Variants in RB1CC1 observed in about 807,000 individuals in gnomAD.
RB1CC1 encodes the protein RB1-inducible coiled-coil protein 1.
RB1CC1 carries 46 observed loss-of-function variants against 177.5 expected under a neutral mutation model. That is an observed-to-expected ratio of 0.26 (90% CI 0.20 to 0.33). The LOEUF (loss-of-function observed/expected upper bound fraction) is 0.33, where lower values mean the gene tolerates loss of function less well. Ranked by LOEUF, RB1CC1 falls within the 10% of genes least tolerant of loss-of-function variation. RB1CC1 has a pLI of 1.00. For synonymous variants in RB1CC1, 666 were observed against 613.6 expected, an observed-to-expected ratio of 1.09 and a Z score of -1.26; for missense variants, 1,703 against 1,816.3, an observed-to-expected ratio of 0.94 and a Z score of 1.13.
Position 52,703,961 on chromosome 8 carries a change from T to C in RB1CC1, c.-167+10114A>G, listed in dbSNP as rs1313521768. ...TTTATTCACAAGACTGTATACTTTA[T>C]GTTACATACTCCTATATGCTATCAA... On this transcript the variant is annotated intron_variant, in intron 1 of 23. Coordinates refer to ENST00000025008, the MANE Select transcript of RB1CC1 (RefSeq NM_014781.5). Among the ~76,000 whole-genome samples, 25 of 152,226 alleles carry C rather than the reference T, an allele frequency of 1.6e-4. 1 individual carries two copies. Among genetic ancestry groups the C allele is most frequent in the Admixed American group, 1.6e-3 (25 of 15,280 alleles).
chr8:52,684,165 T>A, intron 3 of RB1CC1, 152 bp from the exon 4 acceptor site: 6 of 919,992 alleles, frequency 6.5e-6, no homozygotes, highest in Non-Finnish European at 9.2e-6. Context: ...GCTTCCTATT[T>A]AATGAACAGG....
At chr8:52,692,523 A>G (rs1257185046) in intron 1 of RB1CC1, among the ~76,000 whole-genome samples, 1 of 152,222 alleles carries the variant, frequency 6.6e-6, no homozygotes, top group African/African-American at 2.4e-5. Context: ...GTTAAGAATT[A>G]TCCGCATCAT....
chr8:52,685,716 T>C (rs1342611282), intron 2 of RB1CC1, among the ~76,000 whole-genome samples, 196 bp from the exon 3 acceptor site: 5 of 152,194 alleles, frequency 3.3e-5, no homozygotes, highest in Non-Finnish European at 7.3e-5. Context: ...GTAATGAGTT[T>C]AGTGAAAAGA....
chr8:52,707,112 G>C (rs1856629106), intron 1 of RB1CC1, among the ~76,000 whole-genome samples: 1 of 152,222 alleles, frequency 6.6e-6, no homozygotes, highest in African/African-American at 2.4e-5. Context: ...AAAAGTAAAA[G>C]TACCTGTCTC....
intron 15 of RB1CC1, among the ~76,000 whole-genome samples, chr8:52,652,601 A>C (rs1850701771): frequency 6.6e-6 from 1 of 152,174 alleles, no homozygotes; most frequent in African/African-American, 2.4e-5. Context: ...GTCTGGAGTC[A>C]ATTTTTGAGA....
intron 8 of RB1CC1, among the ~76,000 whole-genome samples, chr8:52,665,767 AAG>A (rs1296484506): frequency 1.3e-5 from 2 of 152,278 alleles, no homozygotes; most frequent in Admixed American, 6.5e-5. Flanking sequence ...GAACGAAACC[AAG>A]AGAGAGAAAT....
chr8:52,660,659 T>C lies in RB1CC1; in HGVS notation c.1628-2A>G. 1 of 1,593,680 alleles carries C rather than the reference T, an allele frequency of 6.3e-7. No individual in the cohort carries two copies. Among genetic ancestry groups the C allele is most frequent in the Non-Finnish European group, 8.5e-7 (1 of 1,173,416 alleles). On this transcript the variant is annotated splice_acceptor_variant, in intron 11 of 23. Coordinates refer to ENST00000025008, the MANE Select transcript of RB1CC1 (RefSeq NM_014781.5). LOFTEE classifies it high-confidence loss of function. ...GACGATTTCTTAAAAAAGACTTCCCTGTATAAAGAAATTAACAATATGGTT... is the reference window on the plus strand; with the variant it reads ...GACGATTTCTTAAAAAAGACTTCCCCGTATAAAGAAATTAACAATATGGTT...
intron 1 of RB1CC1, among the ~76,000 whole-genome samples, chr8:52,687,995 C>T (rs1313209833): frequency 6.6e-6 from 1 of 152,176 alleles, no homozygotes; most frequent in Non-Finnish European, 1.5e-5. Context: ...ATTTCATGGA[C>T]ATTTATCAGT....
rs978052118 is a variant in RB1CC1, at chr8:52,713,469, T to C, written c.-167+606A>G. 2.6e-5 allele frequency among the ~76,000 whole-genome samples: 4 copies of C among 152,328 alleles called. No individual in the cohort carries two copies. In the East Asian group the frequency reaches 5.8e-4, roughly 22 times the overall value. ...TCCGCGTGCACACCCATCCCAAATC[T>C]ATCCGTGGGGCGGGCGCAGGCTGAG... is the stretch of plus-strand genomic sequence containing the variant. On this transcript the variant is annotated intron_variant, in intron 1 of 23. Coordinates refer to ENST00000025008, the MANE Select transcript of RB1CC1 (RefSeq NM_014781.5).
rs369929399 is a variant in RB1CC1 at position 52,630,500 on chromosome 8, G to A, written c.4469C>T (p.Ser1490Leu). Reference sequence around the variant, plus strand: ...AATAGCTATCTTTTCAGAATGCCTTGAAGATACTGAAGACATGCTCTGAGA... The same window carrying A: ...AATAGCTATCTTTTCAGAATGCCTTAAAGATACTGAAGACATGCTCTGAGA... Reference protein sequence around the residue: ...LMSQSMSSVSSRHSEKIAIRD... With the variant: ...LMSQSMSSVSLRHSEKIAIRD... The change falls in exon 21 of 24, where the codon TCA becomes TTA. Residue 1490 changes from serine to leucine, a missense_variant. Ser to Leu is a moderately radical substitution (Grantham distance 145). This residue lies in a region of RB1CC1 where 1,169 missense variants were observed against 1,184.7 expected (regional missense o/e 0.99). Transcript: ENST00000025008. The A allele has an allele frequency of 7.6e-6, 12 of 1,576,234 alleles. No homozygotes were observed. The African/African-American group carries it at 1.7e-4, about 22-fold the overall frequency.
chr8:52,636,072 A>G lies in RB1CC1; in HGVS notation c.4338-3T>C, dbSNP rs199920524. The G allele has an allele frequency of 1.1e-5, 18 of 1,601,462 alleles. No homozygotes were observed. The highest frequency in any genetic ancestry group is 1.3e-5 in the African/African-American group (1 of 74,466). ...CAGACAACATATGAATATTTTCTCT[A>G]AAAGTGAGAATAATTGAGTTTCAGT... On this transcript the variant is annotated splice_region_variant and splice_polypyrimidine_tract_variant and intron_variant, in intron 18 of 23. Coordinates refer to ENST00000025008, the MANE Select transcript of RB1CC1 (RefSeq NM_014781.5).
rs549372825 is a variant in RB1CC1 at position 52,661,810 on chromosome 8, C to G, written c.1174-91G>C. On this transcript the variant is annotated intron_variant, in intron 8 of 23. Transcript: ENST00000025008. ...AAGTGGAAAATCTTTATGTTAAACA[C>G]AACCCGTTTTGTGCCTTCTAACAAT... The G allele has an allele frequency of 6.0e-6, 6 of 999,550 alleles. No homozygotes were observed. The East Asian group carries it at 1.7e-4, about 28-fold the overall frequency. 61.9% of individuals were successfully genotyped at this position (999,550 alleles called of 1,614,324 possible). A position where few individuals can be genotyped will look rare whatever the true frequency, so the allele number is the denominator to read the frequency against.
chr8:52,687,486 G>C (rs1041041354), intron 1 of RB1CC1, among the ~76,000 whole-genome samples: 1 of 152,162 alleles, frequency 6.6e-6, no homozygotes, highest in Non-Finnish European at 1.5e-5. Context: ...TTGCAAAAAT[G>C]ATGGGATATC....
intron 5 of RB1CC1, among the ~76,000 whole-genome samples, chr8:52,682,155 A>G (rs1377175606): frequency 6.6e-6 from 1 of 152,182 alleles, no homozygotes; most frequent in Non-Finnish European, 1.5e-5. Context: ...ATGGGAACCC[A>G]CCTCTTGTAT....
chr8:52,653,830 T>C (rs1850846847), intron 15 of RB1CC1, among the ~76,000 whole-genome samples: 1 of 152,188 alleles, frequency 6.6e-6, no homozygotes, highest in Admixed American at 6.5e-5. Flanking sequence ...ATGTCAGGGC[T>C]CAAAAAGTTT....
chr8:52,653,082 A>G (rs986414914), intron 15 of RB1CC1, among the ~76,000 whole-genome samples: 5 of 152,020 alleles, frequency 3.3e-5, no homozygotes, highest in African/African-American at 1.2e-4. Flanking sequence ...CAAAAAACAA[A>G]CAAAAAAACA....
Position 52,656,772 on chromosome 8 carries a change from CTTTTTT to C in RB1CC1, c.3051_3056del (p.Lys1018_Lys1019del). On this transcript the variant is annotated inframe_deletion, in exon 15 of 24. Transcript: ENST00000025008. The stretch of plus-strand genomic sequence containing the variant: ...TTTGATTAATTATTTGTTGGTTTTC[CTTTTTT>C]AATTCCTCCAAAGAAACTCTGTGGT... 1 of 1,613,606 alleles carries C rather than the reference CTTTTTT, an allele frequency of 6.2e-7. No individual in the cohort carries two copies. Among genetic ancestry groups the C allele is most frequent in the Non-Finnish European group, 8.5e-7 (1 of 1,179,910 alleles).
chr8:52,626,244 G>T (rs1487054985), intron 22 of RB1CC1, among the ~76,000 whole-genome samples: 2 of 152,182 alleles, frequency 1.3e-5, no homozygotes, highest in Non-Finnish European at 2.9e-5. Flanking sequence ...AAAAGGAACG[G>T]GGGTTTATTA....
At chr8:52,701,894 C>A (rs1856101532) in intron 1 of RB1CC1, among the ~76,000 whole-genome samples, 1 of 152,084 alleles carries the variant, frequency 6.6e-6, no homozygotes, top group Non-Finnish European at 1.5e-5. Flanking sequence ...GCAACCTCCG[C>A]CTCCCGGGTT....
Sources: gnomAD v4.1 joint callset for allele counts (sites outside exome capture counted in the v4.1 genomes callset) on GRCh38, gnomAD v4.1.1 for gene constraint, gnomAD v4.1.1 regional missense constraint, MANE v1.5 for transcripts, NCBI Gene and HGNC (gene_info 2026-07-23, HGNC 2026-07-21) for gene names.